The following TSHZ3 variants were observed in gnomAD, a reference collection of about 807,000 sequenced individuals.
TSHZ3 encodes teashirt homolog 3.
TSHZ3 carries 10 observed loss-of-function variants against 64.5 expected under a neutral mutation model. The ratio of observed to expected loss-of-function variants is 0.16; its 90% CI spans 0.10 to 0.26. The LOEUF (loss-of-function observed/expected upper bound fraction) is 0.26, where lower values mean the gene tolerates loss of function less well. TSHZ3 is among the 10% of genes least tolerant of loss of function. The probability of loss-of-function intolerance (pLI) is 1.00; values close to 1 mark genes in which losing one functional copy is unlikely to be tolerated. For synonymous variants in TSHZ3, 608 were observed against 593.1 expected (o/e 1.03, Z -0.36); for missense variants, 1,242 against 1,421.7 (o/e 0.87, Z 2.03).
Position 31,279,860 on chromosome 19 carries a change from A to G in TSHZ3, c.41-108T>C, listed in dbSNP as rs1976331556. ...GCATTAGTACTTGTTGATCTTACCTAGAATATGTTCTGGGCTCTCAGGAAA... is the reference window on the plus strand; with the variant it reads ...GCATTAGTACTTGTTGATCTTACCTGGAATATGTTCTGGGCTCTCAGGAAA... On this transcript the variant is annotated intron_variant, in intron 1 of 1. Coordinates refer to ENST00000240587, the MANE Select transcript of TSHZ3 (RefSeq NM_020856.4). This position sits in a 1 kb window ranked among gnomAD's most constrained non-coding sequence, Gnocchi z 6.4. 4 of 1,013,892 alleles carry G rather than the reference A, an allele frequency of 3.9e-6. No individual in the cohort carries two copies. Among genetic ancestry groups the G allele is most frequent in the Admixed American group, 6.9e-5 (2 of 28,810 alleles). The allele number at this position is 1,013,892 out of a possible 1,614,324, so 62.8% of individuals were successfully genotyped here.
chr19:31,290,382 CAG>C (rs1160344297), intron 1 of TSHZ3, among the ~76,000 whole-genome samples: 1 of 151,892 alleles, frequency 6.6e-6, no homozygotes, highest in African/African-American at 2.4e-5. Context: ...TTTGTGCAAA[CAG>C]AGAGAGGAGA....
chr19:31,227,805 T>C (rs907848275), intron 4 of TSHZ3, among the ~76,000 whole-genome samples: 3 of 152,190 alleles, frequency 2.0e-5, no homozygotes, highest in African/African-American at 7.2e-5. Flanking sequence ...CCCAAATCTA[T>C]TCCTACTCCA....
chr19:31,244,578 A>G (rs867063964), intron 1 of TSHZ3, among the ~76,000 whole-genome samples: 1 of 152,226 alleles, frequency 6.6e-6, no homozygotes, highest in Non-Finnish European at 1.5e-5. Flanking sequence ...CTACATCCAA[A>G]TATGGAAGAT....
intron 5 of TSHZ3, among the ~76,000 whole-genome samples, chr19:31,202,467 C>T (rs1975102288): frequency 1.3e-5 from 2 of 151,976 alleles, no homozygotes; most frequent in East Asian, 1.9e-4. Flanking sequence ...TTCATATAAC[C>T]ATTTTCTATT....
chr19:31,269,090 T>G (rs1976097555), intron 1 of TSHZ3, among the ~76,000 whole-genome samples: 1 of 152,072 alleles, frequency 6.6e-6, no homozygotes, highest in Admixed American at 6.5e-5. Context: ...CACACGCACT[T>G]CTTCCTGAGG....
chr19:31,188,992 T>C (rs1974859416), intron 5 of TSHZ3, among the ~76,000 whole-genome samples: 1 of 151,978 alleles, frequency 6.6e-6, no homozygotes, highest in African/African-American at 2.4e-5. Flanking sequence ...GTTCTGTGTG[T>C]TAATTTTGGT....
intron 1 of TSHZ3, among the ~76,000 whole-genome samples, chr19:31,330,390 C>G (rs1010621324): frequency 6.6e-6 from 1 of 152,172 alleles, no homozygotes; most frequent in African/African-American, 2.4e-5. Context: ...CGGGAGGTGG[C>G]CTCCGGGCTG....
At chr19:31,220,178 T>A (rs1269705833) in intron 4 of TSHZ3, among the ~76,000 whole-genome samples, 1 of 152,218 alleles carries the variant, frequency 6.6e-6, no homozygotes, top group Non-Finnish European at 1.5e-5. Context: ...CATTGGTGTA[T>A]GTTATTTTTG....
intron 6 of TSHZ3, among the ~76,000 whole-genome samples, chr19:31,156,273 T>A (rs933531634): frequency 3.3e-5 from 5 of 152,344 alleles, no homozygotes; most frequent in Admixed American, 2.6e-4. Flanking sequence ...TCAATAAATA[T>A]TGTTAACTGA....
chr19:31,178,113 T>A, intron 5 of TSHZ3, among the ~76,000 whole-genome samples: 1 of 152,164 alleles, frequency 6.6e-6, no homozygotes, highest in East Asian at 1.9e-4. Flanking sequence ...CATATGAAGA[T>A]ACTTAGCTCA....
intron 3 of TSHZ3, among the ~76,000 whole-genome samples, chr19:31,237,687 A>G (rs1263993993): frequency 6.6e-6 from 1 of 152,170 alleles, no homozygotes; most frequent in African/African-American, 2.4e-5. Context: ...TAGAAACATC[A>G]ATAATTGGTA....
At chr19:31,331,868 A>G (rs1396135955) in intron 1 of TSHZ3, among the ~76,000 whole-genome samples, 1 of 152,162 alleles carries the variant, frequency 6.6e-6, no homozygotes, top group African/African-American at 2.4e-5. Context: ...GCTGGGCCCC[A>G]GCCAAGCCTG....
intron 1 of TSHZ3, among the ~76,000 whole-genome samples, chr19:31,304,021 C>T (rs557417981): frequency 6.6e-6 from 1 of 151,608 alleles, no homozygotes; most frequent in Admixed American, 6.6e-5. Context: ...GTCATCCAGC[C>T]TGGAGTGCAA....
exon 7 of TSHZ3, among the ~76,000 whole-genome samples, chr19:31,150,934 A>G (rs1372024841): frequency 2.0e-5 from 3 of 152,116 alleles, no homozygotes; most frequent in East Asian, 1.9e-4. Flanking sequence ...AGAGGCCACC[A>G]AGGAGAAGAC....
intron 1 of TSHZ3, among the ~76,000 whole-genome samples, chr19:31,293,128 T>C (rs2145132424): frequency 6.6e-6 from 1 of 151,916 alleles, no homozygotes; most frequent in South Asian, 2.1e-4. Context: ...CATCCAAAAA[T>C]CCATCCATCC....
At position 31,238,685 on chromosome 19, in the gene TSHZ3, C is replaced by T. The variant is rs1975652495; in HGVS notation, n.550+3584G>A. 3.9e-5 allele frequency among the ~76,000 whole-genome samples: 6 copies of T among 152,320 alleles called. No homozygotes were observed. In the South Asian group the frequency reaches 1.2e-3, roughly 32 times the overall value. On this transcript the variant is annotated intron_variant and non_coding_transcript_variant, in intron 3 of 6. Coordinates refer to the TSHZ3 transcript ENST00000651361. ...TACTCTTTGTCTTGAAATCCACCTT[C>T]TCTAATACCCATATAGCCACGCCAG...
intron 1 of TSHZ3, among the ~76,000 whole-genome samples, chr19:31,250,747 G>A (rs1341959765): frequency 6.6e-6 from 1 of 152,192 alleles, no homozygotes; most frequent in Non-Finnish European, 1.5e-5. Context: ...GTGGGGACAA[G>A]AATCATATTT....
At chr19:31,214,132 C>A (rs1975295385) in intron 4 of TSHZ3, among the ~76,000 whole-genome samples, 1 of 152,156 alleles carries the variant, frequency 6.6e-6, no homozygotes, top group South Asian at 2.1e-4. Context: ...TTGAACAAAC[C>A]CGGGTAAGTT....
At chr19:31,250,878 C>T (rs1441462261) in intron 1 of TSHZ3, among the ~76,000 whole-genome samples, 1 of 152,140 alleles carries the variant, frequency 6.6e-6, no homozygotes, top group East Asian at 1.9e-4. Context: ...TAGGCTGGGG[C>T]AGTATCTCCT....
Sources: gnomAD v4.1 joint callset for allele counts (sites outside exome capture counted in the v4.1 genomes callset) on GRCh38, gnomAD v4.1.1 for gene constraint, Gnocchi (gnomAD v3.1) non-coding constraint, MANE v1.5 for transcripts, NCBI Gene and HGNC (gene_info 2026-07-23, HGNC 2026-07-21) for gene names.